The following ADAMTS17 variants were observed in gnomAD, a reference collection of about 807,000 sequenced individuals.
The protein encoded by ADAMTS17 is A disintegrin and metalloproteinase with thrombospondin motifs 17.
ADAMTS17 carries 113 observed loss-of-function variants against 141.5 expected under a neutral mutation model. That is an observed-to-expected ratio of 0.80 (90% CI 0.69 to 0.93). The LOEUF (loss-of-function observed/expected upper bound fraction) is 0.93, where lower values mean the gene tolerates loss of function less well. Ranked by LOEUF, ADAMTS17 falls within the 40% of genes least tolerant of loss-of-function variation. The probability of loss-of-function intolerance (pLI) is 0.00; values close to 1 mark genes in which losing one functional copy is unlikely to be tolerated. For synonymous variants in ADAMTS17, 768 were observed against 630.6 expected (o/e 1.22, Z -3.27); for missense variants, 1,659 against 1,517.9 (o/e 1.09, Z -1.54).
intron 18 of ADAMTS17, among the ~76,000 whole-genome samples, chr15:100,043,719 A>G (rs1042258843): frequency 1.3e-5 from 2 of 152,260 alleles, no homozygotes; most frequent in African/African-American, 4.8e-5. Context: ...GAAGGCAAAA[A>G]TATTTATTCT....
chr15:100,277,045 G>A (rs139620015), intron 4 of ADAMTS17, among the ~76,000 whole-genome samples: 7 of 152,228 alleles, frequency 4.6e-5, no homozygotes, highest in Non-Finnish European at 8.8e-5. Flanking sequence ...GGGGGCTGAC[G>A]ACTCTGCTTC....
intron 8 of ADAMTS17, among the ~76,000 whole-genome samples, chr15:100,164,847 T>C (rs749909868): frequency 1.5e-4 from 23 of 152,198 alleles, no homozygotes; most frequent in Non-Finnish European, 2.8e-4. Flanking sequence ...AGGCCCACTG[T>C]TCTTGGTAAG....
chr15:100,326,741 C>G (rs1342727565), intron 3 of ADAMTS17, among the ~76,000 whole-genome samples: 1 of 152,132 alleles, frequency 6.6e-6, no homozygotes, highest in Non-Finnish European at 1.5e-5. Flanking sequence ...AGTGGCAAAC[C>G]CAATCCAAGC....
intron 7 of ADAMTS17, among the ~76,000 whole-genome samples, chr15:100,246,816 T>C (rs188867202): frequency 2.9e-4 from 44 of 152,314 alleles, no homozygotes; most frequent in Non-Finnish European, 5.0e-4. Context: ...ATAAGTTTAT[T>C]TGCCATCCAT....
At chr15:100,077,563 C>T (rs2034466816) in intron 15 of ADAMTS17, among the ~76,000 whole-genome samples, 1 of 151,940 alleles carries the variant, frequency 6.6e-6, no homozygotes, top group African/African-American at 2.4e-5. Flanking sequence ...TGACAAATTT[C>T]AACACTCCTT....
chr15:100,316,360 G>A (rs998491521), intron 3 of ADAMTS17, among the ~76,000 whole-genome samples: 3 of 152,204 alleles, frequency 2.0e-5, no homozygotes, highest in African/African-American at 4.8e-5. Context: ...GAGCATCTCA[G>A]AAATTTGGGA....
intron 3 of ADAMTS17, among the ~76,000 whole-genome samples, chr15:100,318,279 C>G (rs187909200): frequency 6.7e-6 from 1 of 150,284 alleles, no homozygotes. Flanking sequence ...CACCCGCCCC[C>G]CCTTATAGTT....
At chr15:100,246,101 C>T (rs1029565775) in intron 7 of ADAMTS17, among the ~76,000 whole-genome samples, 27 of 152,268 alleles carry the variant, frequency 1.8e-4, no homozygotes, top group African/African-American at 6.3e-4. Context: ...CGCAGACGCT[C>T]TCCAACGATC....
intron 6 of ADAMTS17, among the ~76,000 whole-genome samples, chr15:100,258,532 A>G (rs111227434): frequency 0.02 from 3,044 of 152,332 alleles, 121 homozygotes; most frequent in African/African-American, 0.07. Context: ...GGCGAAAGGC[A>G]CGTCTCACAT....
chr15:100,078,018 A>AAG (rs1462531119), intron 15 of ADAMTS17, among the ~76,000 whole-genome samples: 3 of 145,890 alleles, frequency 2.1e-5, no homozygotes, highest in African/African-American at 8.1e-5. Context: ...TCAAAAAGAA[A>AAG]CACTTAGGAA....
At chr15:100,092,662 CA>C (rs1176454941) in intron 15 of ADAMTS17, among the ~76,000 whole-genome samples, 1 of 152,184 alleles carries the variant, frequency 6.6e-6, no homozygotes, top group Admixed American at 6.5e-5. Flanking sequence ...TGGCATGTGG[CA>C]GGGGCTCTAG....
chr15:100,298,432 C>T (rs191668355), intron 3 of ADAMTS17, among the ~76,000 whole-genome samples: 189 of 152,182 alleles, frequency 1.2e-3, no homozygotes, highest in Admixed American at 3.7e-3. Flanking sequence ...GTCGACCCTG[C>T]GCTGGGTGCT....
chr15:100,103,726 C>A (rs1351179140), intron 14 of ADAMTS17, among the ~76,000 whole-genome samples: 4 of 152,196 alleles, frequency 2.6e-5, no homozygotes, highest in Non-Finnish European at 1.5e-5. Context: ...TGGGCATGCA[C>A]TACCATGCCC....
intron 13 of ADAMTS17, among the ~76,000 whole-genome samples, chr15:100,112,630 C>G (rs759702175): frequency 3.9e-5 from 6 of 152,152 alleles, no homozygotes; most frequent in Non-Finnish European, 8.8e-5. Context: ...ACATCCCCAA[C>G]AGCACAGAAG....
At chr15:100,007,259 T>C (rs1396891473) in intron 18 of ADAMTS17, among the ~76,000 whole-genome samples, 1 of 152,118 alleles carries the variant, frequency 6.6e-6, no homozygotes, top group African/African-American at 2.4e-5. Context: ...GGAGGGACTG[T>C]GGTGCAACTG....
intron 18 of ADAMTS17, among the ~76,000 whole-genome samples, chr15:100,031,726 T>G (rs888768689): frequency 2.0e-5 from 3 of 152,176 alleles, no homozygotes; most frequent in Non-Finnish European, 2.9e-5. Context: ...TCCACCAGTA[T>G]CAAACAATCC....
At chr15:100,086,116 G>T (rs1004139792) in intron 15 of ADAMTS17, among the ~76,000 whole-genome samples, 1 of 152,032 alleles carries the variant, frequency 6.6e-6, no homozygotes, top group African/African-American at 2.4e-5. Flanking sequence ...CATGTGCAGA[G>T]ACACACATAG....
intron 12 of ADAMTS17, among the ~76,000 whole-genome samples, chr15:100,127,896 T>TG (rs1367438324): frequency 6.6e-6 from 1 of 151,820 alleles, no homozygotes; most frequent in East Asian, 1.9e-4. Context: ...GATAAAGTTT[T>TG]TTTTTTTTTC....
chr15:100,136,276 TGTTGGGAG>T (rs1358405596), intron 10 of ADAMTS17, among the ~76,000 whole-genome samples: 4 of 152,160 alleles, frequency 2.6e-5, no homozygotes, highest in Non-Finnish European at 5.9e-5. Flanking sequence ...TGAACCACAG[TGTTGGGAG>T]TCAGGATAGT....
Sources: allele counts gnomAD v4.1 joint callset (sites outside exome capture counted in the v4.1 genomes callset), GRCh38; gene constraint gnomAD v4.1.1; transcripts MANE v1.5; gene names NCBI Gene and HGNC (gene_info 2026-07-23, HGNC 2026-07-21).